Variants in ATP9B observed in about 807,000 individuals in gnomAD.
ATP9B encodes the protein probable phospholipid-transporting ATPase IIB.
Under a neutral mutation model 146.1 loss-of-function variants are expected in ATP9B, and 110 were observed. The observed-to-expected ratio is 0.75, with a 90% CI of 0.65 to 0.88. ATP9B has a LOEUF of 0.88. ATP9B is among the 40% of genes least tolerant of loss of function. The probability of loss-of-function intolerance (pLI) is 0.00; values close to 1 mark genes in which losing one functional copy is unlikely to be tolerated. For synonymous variants in ATP9B, 604 were observed against 569.7 expected, an observed-to-expected ratio of 1.06 and a Z score of -0.86; for missense variants, 1,499 against 1,496.4, an observed-to-expected ratio of 1.00 and a Z score of -0.03.
At chr18:79,333,176 G>A (rs1044190928) in intron 17 of ATP9B, among the ~76,000 whole-genome samples, 1 of 152,174 alleles carries the variant, frequency 6.6e-6, no homozygotes, top group Non-Finnish European at 1.5e-5. Flanking sequence ...GTTTCCAAAT[G>A]TGCGGCTGTG....
At chr18:79,100,369 A>G (rs1198376453) in intron 2 of ATP9B, among the ~76,000 whole-genome samples, 1 of 152,208 alleles carries the variant, frequency 6.6e-6, no homozygotes, top group Non-Finnish European at 1.5e-5. Context: ...GTTTCTAAAC[A>G]TCATTGTGGA....
chr18:79,156,058 G>A (rs1291384296), intron 7 of ATP9B, among the ~76,000 whole-genome samples: 5 of 151,990 alleles, frequency 3.3e-5, no homozygotes, highest in African/African-American at 4.8e-5. Context: ...CACTGCACCC[G>A]GCCAAATGTT....
At chr18:79,098,590 C>G (rs1203869032) in intron 2 of ATP9B, among the ~76,000 whole-genome samples, 1 of 151,988 alleles carries the variant, frequency 6.6e-6, no homozygotes, top group Non-Finnish European at 1.5e-5. Context: ...ACAGACACTT[C>G]TCAAAAGAAG....
At chr18:79,361,924 T>A in intron 26 of ATP9B, 1 of 431,128 alleles carries the variant, frequency 2.3e-6, no homozygotes, top group South Asian at 9.9e-5. Flanking sequence ...AAGTCTGTAT[T>A]CTAGTCAGGA....
intron 15 of ATP9B, among the ~76,000 whole-genome samples, chr18:79,315,915 A>G (rs985200359): frequency 1.3e-5 from 2 of 152,186 alleles, no homozygotes; most frequent in African/African-American, 4.8e-5. Flanking sequence ...TTTGCCTTTG[A>G]ATTGTCAAGA....
At chr18:79,259,981 A>G (rs2145259833) in intron 12 of ATP9B, among the ~76,000 whole-genome samples, 1 of 152,304 alleles carries the variant, frequency 6.6e-6, no homozygotes, top group Middle Eastern at 3.4e-3. Context: ...TTTGGAGCCT[A>G]TCCAGATCAC....
At chr18:79,320,353 A>C (rs1273942955) in intron 15 of ATP9B, among the ~76,000 whole-genome samples, 1 of 152,068 alleles carries the variant, frequency 6.6e-6, no homozygotes, top group Non-Finnish European at 1.5e-5. Flanking sequence ...CAGCACTCTG[A>C]TCAGGTGGTC....
At chr18:79,327,425 G>GAGCGTGCTCTCCATGGTT (rs1294488361) in intron 15 of ATP9B, among the ~76,000 whole-genome samples, 9 of 151,358 alleles carry the variant, frequency 5.9e-5, no homozygotes, top group African/African-American at 2.0e-4. Context: ...ACGTTGCAGA[G>GAGCGTGCTCTCCATGGTT]AGCGTGCTCT....
intron 15 of ATP9B, among the ~76,000 whole-genome samples, chr18:79,320,920 G>A (rs771539452): frequency 1.3e-5 from 2 of 151,930 alleles, no homozygotes; most frequent in African/African-American, 2.4e-5. Context: ...GGTTTTATGC[G>A]GGGAGGGAGC....
rs2095114205 is a variant in ATP9B at position 79,173,640 on chromosome 18, G to C, written c.779-3173G>C. 5.1e-5 allele frequency: 23 copies of C among 450,626 alleles called. 1 individual carries two copies. The highest frequency in any genetic ancestry group is 3.4e-4 in the South Asian group (21 of 62,618). The allele number at this position is 450,626 out of a possible 1,614,324, so 27.9% of individuals were successfully genotyped here. On this transcript the variant is annotated intron_variant, in intron 7 of 29. Coordinates refer to ENST00000426216, the MANE Select transcript of ATP9B (RefSeq NM_198531.5). ...AAGTAGTTGCCATACTTGTATGTTG[G>C]GGGGACTCTCTCTGGGTTCTTTATT...
intron 25 of ATP9B, among the ~76,000 whole-genome samples, chr18:79,351,899 C>T (rs73973084): frequency 0.015 from 2,269 of 152,164 alleles, 63 homozygotes; most frequent in African/African-American, 0.051. Flanking sequence ...GACCCCCAAG[C>T]CCACTCTGCC....
rs889247195 is a variant in ATP9B at position 79,239,928 on chromosome 18, C to T, written c.1108-13453C>T. Reference sequence around the variant, plus strand: ...GCGGAGAGGCTTGCTCTGCCTGCGTCCCCATCAGCGGTGACCAGCAGATCA... The same window carrying T: ...GCGGAGAGGCTTGCTCTGCCTGCGTTCCCATCAGCGGTGACCAGCAGATCA... On this transcript the variant is annotated intron_variant, in intron 11 of 29. Coordinates refer to ENST00000426216, the MANE Select transcript of ATP9B (RefSeq NM_198531.5). This position sits in a 1 kb window ranked among gnomAD's most constrained non-coding sequence, Gnocchi z 5.1. Among the ~76,000 whole-genome samples the T allele has an allele frequency of 6.6e-6, 1 of 152,208 alleles. No homozygotes were observed. Among genetic ancestry groups the T allele is most frequent in the African/African-American group, 2.4e-5 (1 of 41,460 alleles).
chr18:79,223,475 A>G (rs1311336643), intron 11 of ATP9B, among the ~76,000 whole-genome samples: 1 of 152,226 alleles, frequency 6.6e-6, no homozygotes, highest in African/African-American at 2.4e-5. Flanking sequence ...AGAGCTACAT[A>G]TTGTAGAACA....
intron 5 of ATP9B, among the ~76,000 whole-genome samples, chr18:79,129,462 A>G (rs1234473681): frequency 6.6e-6 from 1 of 152,168 alleles, no homozygotes; most frequent in Non-Finnish European, 1.5e-5. Context: ...CAGGCTCCAA[A>G]GCCCAGGACA....
intron 29 of ATP9B, chr18:79,376,456 C>T: frequency 2.1e-6 from 2 of 941,944 alleles, no homozygotes; most frequent in Non-Finnish European, 2.5e-6. Flanking sequence ...GTGGCACAAT[C>T]TTGGCTCACT....
At position 79,337,469 on chromosome 18, in the gene ATP9B, G is replaced by C. The variant is rs200237955; in HGVS notation, c.2283+20G>C. 2.5e-6 allele frequency: 4 copies of C among 1,596,140 alleles called. No individual in the cohort carries two copies. The highest frequency in any genetic ancestry group is 3.4e-6 in the Non-Finnish European group (4 of 1,175,640). ...ATCAAGGTACTGCAGGCTCACCTCT[G>C]CTGGCGCGCGCTGCTTTTGCTGAAG... On this transcript the variant is annotated intron_variant, in intron 19 of 29. Coordinates refer to ENST00000426216, the MANE Select transcript of ATP9B (RefSeq NM_198531.5).
At chr18:79,327,259 C>T (rs571181471) in intron 15 of ATP9B, among the ~76,000 whole-genome samples, 3 of 152,318 alleles carry the variant, frequency 2.0e-5, no homozygotes, top group African/African-American at 7.2e-5. Flanking sequence ...ACGTGCTCAT[C>T]GGAAGAGGTG....
At chr18:79,112,744 T>TA (rs879557597) in intron 3 of ATP9B, among the ~76,000 whole-genome samples, 2,405 of 146,338 alleles carry the variant, frequency 0.016, 42 homozygotes, top group African/African-American at 0.044. Flanking sequence ...ATGTCCGTGT[T>TA]AAAAAAAAAA....
intron 5 of ATP9B, among the ~76,000 whole-genome samples, chr18:79,131,036 C>G (rs1028095531): frequency 6.6e-6 from 1 of 152,090 alleles, no homozygotes; most frequent in Non-Finnish European, 1.5e-5. Flanking sequence ...TGGCATGCAC[C>G]TGTAATCCCA....
Sources: gnomAD v4.1 joint callset for allele counts (sites outside exome capture counted in the v4.1 genomes callset) on GRCh38, gnomAD v4.1.1 for gene constraint, Gnocchi (gnomAD v3.1) non-coding constraint, MANE v1.5 for transcripts, NCBI Gene and HGNC (gene_info 2026-07-23, HGNC 2026-07-21) for gene names.